Variants in AXIN1 observed in about 807,000 individuals in gnomAD.
AXIN1 encodes axin 1, also known as axin-1.
AXIN1 carries 30 observed loss-of-function variants against 76.4 expected under a neutral mutation model. The ratio of observed to expected loss-of-function variants is 0.39; its 90% CI spans 0.29 to 0.53. AXIN1 has a LOEUF of 0.53. Ranked by LOEUF, AXIN1 falls within the 20% of genes least tolerant of loss-of-function variation. The pLI is 0.66. For missense variants in AXIN1, 1,140 were observed against 1,198.8 expected (o/e 0.95, Z 0.72); for synonymous variants, 545 against 501.4 (o/e 1.09, Z -1.16).
chr16:303,673 C>T (rs560133853), intron 5 of AXIN1, among the ~76,000 whole-genome samples: 5 of 152,058 alleles, frequency 3.3e-5, no homozygotes, highest in Non-Finnish European at 7.4e-5. Flanking sequence ...GTGAGCCACT[C>T]GCCCGCCCGT....
chr16:346,233 C>T lies in AXIN1; in HGVS notation c.793G>A (p.Gly265Arg), dbSNP rs145696080. The T allele has an allele frequency of 1.1e-5, 18 of 1,613,812 alleles. No homozygotes were observed. Among genetic ancestry groups the T allele is most frequent in the East Asian group, 4.5e-5 (2 of 44,890 alleles). ...AGGAGCAGCTTCTGAGGGAGTCTTC[C>T]GGGGGGAGCAGCGTCTCTGCCATCG... ...EDDGRDAAPPGRLPQKLLLET... is the reference protein window; with the variant it reads ...EDDGRDAAPPRRLPQKLLLET... Residue 265 changes from glycine (G) to arginine (R), a missense_variant, in exon 2 of 11, where the codon GGA becomes AGA. Physicochemically the swap from Gly to Arg is moderately radical, Grantham distance 125. Around this residue, in one of 3 missense-constraint regions of AXIN1, gnomAD observed 708 missense variants for 776.9 expected, o/e 0.91. Transcript: ENST00000262320.
At chr16:346,016 A>T in intron 2 of AXIN1, 132 bp downstream of exon 2, 1 of 850,918 alleles carries the variant, frequency 1.2e-6, no homozygotes, top group East Asian at 2.7e-5. Flanking sequence ...TAAGAACAGA[A>T]CCAAAATTCA....
chr16:305,257 C>T (rs1382760990), intron 4 of AXIN1, among the ~76,000 whole-genome samples: 1 of 152,154 alleles, frequency 6.6e-6, no homozygotes, highest in Non-Finnish European at 1.5e-5. Flanking sequence ...TACTTGAGCC[C>T]AGAAATTAAG....
At position 293,309 on chromosome 16, in the gene AXIN1, AG is replaced by A. The variant is rs1468170627; in HGVS notation, c.2186+178del. ...TCCAGCCCCAGCCTCCGTCCACCGC[AG>A]GGTGGCCTGCCACGTGGCCCCTCAG... is the stretch of plus-strand genomic sequence containing the variant. On this transcript the variant is annotated intron_variant, in intron 8 of 10. Coordinates refer to ENST00000262320, the MANE Select transcript of AXIN1 (RefSeq NM_003502.4). The surrounding 1 kb of genome is among the most constrained non-coding windows in gnomAD (Gnocchi z 4.6). 2 of 657,324 alleles carry A rather than the reference AG, an allele frequency of 3.0e-6. No individual in the cohort carries two copies. The highest frequency in any genetic ancestry group is 5.2e-6 in the Non-Finnish European group (2 of 384,814). The allele number at this position is 657,324 out of a possible 1,614,324, so 40.7% of individuals were successfully genotyped here.
chr16:313,078 G>C (rs149330979), intron 3 of AXIN1, among the ~76,000 whole-genome samples: 216 of 152,298 alleles, frequency 1.4e-3, no homozygotes, highest in African/African-American at 5.0e-3. Flanking sequence ...TCATGAGGCT[G>C]AAGTGGGTGC....
chr16:324,541 T>C (rs2053536307), intron 2 of AXIN1, among the ~76,000 whole-genome samples: 1 of 152,170 alleles, frequency 6.6e-6, no homozygotes, highest in African/African-American at 2.4e-5. Context: ...AAACAGAAGC[T>C]TGACAAACAC....
chr16:295,096 C>CTT (rs888214026), intron 7 of AXIN1, among the ~76,000 whole-genome samples: 2 of 141,838 alleles, frequency 1.4e-5, no homozygotes, highest in Admixed American at 7.1e-5. Flanking sequence ...TTCATGGAGA[C>CTT]TTTTTTTTTT....
intron 2 of AXIN1, among the ~76,000 whole-genome samples, chr16:324,771 G>T (rs758216367): frequency 2.0e-5 from 3 of 152,126 alleles, no homozygotes; most frequent in Non-Finnish European, 4.4e-5. Context: ...CGACCCCCCG[G>T]AACAGCACAG....
intron 2 of AXIN1, among the ~76,000 whole-genome samples, chr16:331,967 C>T (rs1400160661): frequency 3.3e-5 from 5 of 152,184 alleles, no homozygotes; most frequent in African/African-American, 1.2e-4. Flanking sequence ...ACTAAGGGCC[C>T]GACCCTGACT....
At chr16:321,840 A>G (rs1220494213) in intron 2 of AXIN1, among the ~76,000 whole-genome samples, 2 of 152,358 alleles carry the variant, frequency 1.3e-5, no homozygotes, top group African/African-American at 4.8e-5. Context: ...TCAAAGTGTT[A>G]TCCAGACACA....
At chr16:340,855 A>G (rs563201758) in intron 2 of AXIN1, among the ~76,000 whole-genome samples, 2 of 152,200 alleles carry the variant, frequency 1.3e-5, no homozygotes, top group Non-Finnish European at 2.9e-5. Context: ...CTTTCCTCAA[A>G]TCAAGTATGT....
intron 2 of AXIN1, among the ~76,000 whole-genome samples, chr16:339,581 TTGGGGCAGGAGAACTGCTTCAACC>T: frequency 1.4e-5 from 2 of 142,688 alleles, no homozygotes; most frequent in African/African-American, 2.6e-5. Flanking sequence ...ACTGGGGAGG[TTGGGGCAGGAGAACTGCTTCAACC>T]TGGGAGGCGG....
At chr16:324,380 C>T (rs1251666971) in intron 2 of AXIN1, among the ~76,000 whole-genome samples, 1 of 152,184 alleles carries the variant, frequency 6.6e-6, no homozygotes, top group Non-Finnish European at 1.5e-5. Flanking sequence ...CTGGAAGCAG[C>T]GCAGGGCAGA....
At chr16:297,576 G>A (rs919147066) in intron 6 of AXIN1, 146 bp downstream of exon 6, 8 of 1,233,088 alleles carry the variant, frequency 6.5e-6, no homozygotes, top group Admixed American at 2.9e-5. Context: ...CCCTGACCCA[G>A]GGCCCAGTCC....
chr16:346,389 T>C lies in AXIN1; in HGVS notation c.637A>G (p.Thr213Ala). 2 of 1,614,232 alleles carry C rather than the reference T, an allele frequency of 1.2e-6. No individual in the cohort carries two copies. Among genetic ancestry groups the C allele is most frequent in the Non-Finnish European group, 8.5e-7 (1 of 1,180,038 alleles). The stretch of plus-strand genomic sequence containing the variant: ...CAGACTTTGGGGCTCTCCGAGCCTG[T>C]CCTCGTATATTCCAAATAAATATCA... ...KSDIYLEYTR[T>A]GSESPKVCSD... The change falls in exon 2 of 11, where the codon ACA becomes GCA. Residue 213 changes from threonine (T) to alanine (A), a missense_variant. Physicochemically the swap from Thr to Ala is moderately conservative, Grantham distance 58 (BLOSUM62 0). Around this residue, in one of 3 missense-constraint regions of AXIN1, gnomAD observed 708 missense variants for 776.9 expected, o/e 0.91. Coordinates refer to ENST00000262320, the MANE Select transcript of AXIN1 (RefSeq NM_003502.4).
rs192038381 is a variant in AXIN1, at chr16:290,033, G to C, written c.2295-426C>G. 157 of 272,056 alleles carry C rather than the reference G, an allele frequency of 5.8e-4. 1 individual carries two copies. The East Asian group carries it at 0.013, about 22-fold the overall frequency. The allele number at this position is 272,056 out of a possible 1,614,324, so 16.9% of individuals were successfully genotyped here. A position where few individuals can be genotyped will look rare whatever the true frequency, so the allele number is the denominator to read the frequency against. Reference sequence around the variant, plus strand: ...TTCTGGATAAGCCTGACCCCGCAGCGAAGTTTGTCGGAGGACTGGGGCGGG... The same window carrying C: ...TTCTGGATAAGCCTGACCCCGCAGCCAAGTTTGTCGGAGGACTGGGGCGGG... On this transcript the variant is annotated intron_variant, in intron 9 of 10. Transcript: ENST00000262320.
intron 2 of AXIN1, among the ~76,000 whole-genome samples, chr16:339,769 GGAGCCCACGCAAGGGGCA>G (rs2141679687): frequency 1.3e-5 from 2 of 152,148 alleles, no homozygotes; most frequent in South Asian, 4.1e-4. Context: ...CCAGGCAAGG[GGAGCCCACGCAAGGGGCA>G]GTATGGCTCA....
At chr16:315,032 G>A (rs1164148136) in intron 2 of AXIN1, among the ~76,000 whole-genome samples, 3 of 152,206 alleles carry the variant, frequency 2.0e-5, no homozygotes, top group African/African-American at 4.8e-5. Flanking sequence ...TGCAGTGCGC[G>A]TCGGGAGAGG....
At chr16:290,029 C>A (rs1222418356) in intron 9 of AXIN1, 1 of 272,196 alleles carries the variant, frequency 3.7e-6, no homozygotes, top group African/African-American at 2.2e-5. Context: ...CCTGACCCCG[C>A]AGCGAAGTTT....
Sources: allele counts gnomAD v4.1 joint callset (sites outside exome capture counted in the v4.1 genomes callset), GRCh38; gene constraint gnomAD v4.1.1; regional missense constraint gnomAD v4.1.1; non-coding constraint Gnocchi (gnomAD v3.1); transcripts MANE v1.5; gene names NCBI Gene and HGNC (gene_info 2026-07-23, HGNC 2026-07-21).